Variants in MUC5AC observed in about 807,000 individuals in gnomAD.
The protein encoded by MUC5AC is mucin 5AC, oligomeric mucus/gel-forming, also known as mucin-5AC.
In MUC5AC, 158 loss-of-function variants were observed where a neutral mutation model predicts 169.7. The ratio of observed to expected loss-of-function variants is 0.93; its 90% CI spans 0.82 to 1.06. MUC5AC has a LOEUF of 1.06. MUC5AC is among the 50% of genes least tolerant of loss of function. The pLI is 0.00. For synonymous variants in MUC5AC, 1,975 were observed against 1,237.0 expected, an observed-to-expected ratio of 1.60 and a Z score of -12.52; for missense variants, 4,359 against 3,089.9, an observed-to-expected ratio of 1.41 and a Z score of -9.74.
intron 16 of MUC5AC, 28 bp from the exon 17 acceptor site, chr11:1,174,468 G>A: frequency 1.4e-6 from 2 of 1,405,288 alleles, no homozygotes; most frequent in South Asian, 2.5e-5. Flanking sequence ...TGGGGTCTCT[G>A]ATGCCCCGAT....
In MUC5AC at chr11:1,180,170, A is replaced by G. The variant is rs1370553774; in HGVS notation, c.3613+20A>G. ...TGGAAGGTGGGCTGGGGCCGGTCGG[A>G]GGGTGGCCTGGGCTCCGCCGCCTGT... On this transcript the variant is annotated intron_variant, in intron 27 of 48. Transcript: ENST00000621226. 4 of 398,322 alleles carry G rather than the reference A, an allele frequency of 1.0e-5. No homozygotes were observed. The highest frequency in any genetic ancestry group is 4.4e-5 in the Admixed American group (1 of 22,714). 24.7% of individuals were successfully genotyped at this position (398,322 alleles called of 1,614,324 possible). A position where few individuals can be genotyped will look rare whatever the true frequency, so the allele number is the denominator to read the frequency against.
Position 1,186,001 on chromosome 11 carries a change from G to T in MUC5AC, c.7856G>T (p.Ser2619Ile). Residue 2619 changes from serine (S) to isoleucine (I), a missense_variant, in exon 31 of 49, where the codon AGC becomes ATC. Physicochemically the swap from Ser to Ile is moderately radical, Grantham distance 142. Transcript: ENST00000621226. The part of the protein sequence containing the change: ...TTSTNSAPIS[S>I]TTSATTTSRI... ...AGCACAAACTCTGCCCCTATAAGCA[G>T]CACAACCTCTGCCACTACAACCAGC... 1.4e-6 allele frequency: 1 copy of T among 728,036 alleles called. No homozygotes were observed. The highest frequency in any genetic ancestry group is 2.5e-6 in the Non-Finnish European group (1 of 399,160). The allele number at this position is 728,036 out of a possible 1,614,324, so 45.1% of individuals were successfully genotyped here.
rs1860952787 is a variant in MUC5AC at position 1,186,603 on chromosome 11, A to C, written c.8458A>C (p.Thr2820Pro). ...CACAACTTCCACACCACAGACCAGC[A>C]CAACTTCGGCTCCTACAACCAGCAC... ...SSTTSTPQTS[T>P]TSAPTTSTTS... The change falls in exon 31 of 49, where the codon ACA (threonine) becomes CCA (proline). Residue 2820 changes from threonine to proline, a missense_variant. By Grantham distance (38) the Thr-to-Pro change is conservative. Transcript: ENST00000621226. 1.4e-6 allele frequency: 1 copy of C among 713,948 alleles called. No individual in the cohort carries two copies. Among genetic ancestry groups the C allele is most frequent in the African/African-American group, 1.7e-5 (1 of 57,282 alleles). The allele number at this position is 713,948 out of a possible 1,614,324, so 44.2% of individuals were successfully genotyped here.
rs548752349 is a variant in MUC5AC, at chr11:1,194,156, C to T, written c.14802C>T (p.Gly4934=). The T allele has an allele frequency of 7.8e-6, 6 of 765,080 alleles. No homozygotes were observed. The highest frequency in any genetic ancestry group is 6.7e-5 in the South Asian group (5 of 74,630). The allele number at this position is 765,080 out of a possible 1,614,324, so 47.4% of individuals were successfully genotyped here. ...WGDPHYITFD[G]TYYTFLDNCT... is the part of the protein sequence containing the mutation. ...ACCCCCACTACATCACCTTCGACGG[C>T]ACCTACTACACCTTCCTGGACAACT... The change falls in exon 34 of 49, where the codon GGC becomes GGT. Residue 4934 remains glycine, a synonymous_variant. Coordinates refer to ENST00000621226, the MANE Select transcript of MUC5AC (RefSeq NM_001304359.2).
rs573591245 is a variant in MUC5AC at position 1,160,526 on chromosome 11, C to T, written c.74-86C>T. The T allele has an allele frequency of 4.8e-4, 577 of 1,198,370 alleles. 3 individuals carry two copies. In the African/African-American group the frequency reaches 8.3e-3, roughly 17 times the overall value. 74.2% of individuals were successfully genotyped at this position (1,198,370 alleles called of 1,614,324 possible). A position where few individuals can be genotyped will look rare whatever the true frequency, so the allele number is the denominator to read the frequency against. On this transcript the variant is annotated intron_variant, in intron 1 of 48. Transcript: ENST00000621226. Reference sequence around the variant, plus strand: ...CCACGCACTGTGGCCTCCCGTCCCTCTGGTGTCCATGCTGCATCTGTGGCC... The same window carrying T: ...CCACGCACTGTGGCCTCCCGTCCCTTTGGTGTCCATGCTGCATCTGTGGCC...
rs149860127 is a variant in MUC5AC, at chr11:1,192,419, C to T, written c.14274C>T (p.Ala4758=). ...CCCTGTCTACTTCCATGGTATCCGC[C>T]TCCGTGGCATCCACCTCTGTGGCAT... ...YPSLSTSMVS[A]SVASTSVASS... The change falls in exon 31 of 49, where the codon GCC becomes GCT. Residue 4758 remains alanine (A), a synonymous_variant. Coordinates refer to ENST00000621226, the MANE Select transcript of MUC5AC (RefSeq NM_001304359.2). 1 of 765,168 alleles carries T rather than the reference C, an allele frequency of 1.3e-6. No individual in the cohort carries two copies. The highest frequency in any genetic ancestry group is 1.7e-5 in the African/African-American group (1 of 59,270). The allele number at this position is 765,168 out of a possible 1,614,324, so 47.4% of individuals were successfully genotyped here.
Position 1,192,460 on chromosome 11 carries a change from C to A in MUC5AC, c.14315C>A (p.Ser4772Tyr), listed in dbSNP as rs764309874. Reference protein sequence around the residue: ...STSVASSSVASSSVAYSTQTC... With the variant: ...STSVASSSVAYSSVAYSTQTC... ...TCTGTGGCATCCAGCTCTGTGGCAT[C>A]CAGCTCTGTGGCTTACTCCACCCAA... The change falls in exon 31 of 49, where the codon TCC becomes TAC. Residue 4772 changes from serine (S) to tyrosine (Y), a missense_variant. Ser to Tyr is a moderately radical substitution (Grantham distance 144, BLOSUM62 -2). Coordinates refer to ENST00000621226, the MANE Select transcript of MUC5AC (RefSeq NM_001304359.2). 3.9e-6 allele frequency: 3 copies of A among 765,112 alleles called. No individual in the cohort carries two copies. The Admixed American group carries it at 5.1e-5, about 13-fold the overall frequency. 47.4% of individuals were successfully genotyped at this position (765,112 alleles called of 1,614,324 possible).
rs772550584 is a variant in MUC5AC at position 1,195,178 on chromosome 11, T to C, written c.15357T>C (p.Ser5119=). ...CGGTCGGGCCCACCACAGTTGGGTC[T>C]ACCACGGTCGGGCCCACCACAGTTG... The part of the protein sequence containing the change: ...PTTVGPTTVG[S]TTVGPTTVGS... Residue 5119 remains serine, a synonymous_variant, in exon 36 of 49, where the codon TCT becomes TCC. Transcript: ENST00000621226. 319 of 762,898 alleles carry C rather than the reference T, an allele frequency of 4.2e-4. 2 individuals carry two copies. Among genetic ancestry groups the C allele is most frequent in the Middle Eastern group, 4.5e-4 (2 of 4,456 alleles). The allele number at this position is 762,898 out of a possible 1,614,324, so 47.3% of individuals were successfully genotyped here.
chr11:1,198,298 T>C lies in MUC5AC; in HGVS notation c.16166T>C (p.Leu5389Pro), dbSNP rs1248375438. 2 of 753,638 alleles carry C rather than the reference T, an allele frequency of 2.7e-6. No individual in the cohort carries two copies. The highest frequency in any genetic ancestry group is 4.8e-6 in the Non-Finnish European group (2 of 412,830). 46.7% of individuals were successfully genotyped at this position (753,638 alleles called of 1,614,324 possible). The change falls in exon 43 of 49, where the codon CTG (leucine) becomes CCG (proline). Residue 5389 changes from leucine to proline, a missense_variant. Transcript: ENST00000621226. ...ACAGTGTGCAGCATCAACGGGACCC[T>C]GTACCAGGTAAGAGCCACGGAGCTC... is the stretch of plus-strand genomic sequence containing the variant. ...SWTVCSINGT[L>P]YQPGAVVSSS...
At position 1,185,312 on chromosome 11, in the gene MUC5AC, C is replaced by A. The variant is rs1483224459; in HGVS notation, c.7167C>A (p.Ile2389=). ...STTSATTTSR[I]SGPETTPSPV... is the part of the protein sequence containing the mutation. ...CCTCTGCCACTACCACCAGCAGAAT[C>A]TCTGGTCCTGAAACTACTCCCAGCC... The change falls in exon 31 of 49, where the codon ATC becomes ATA. Residue 2389 remains isoleucine (I), a synonymous_variant. Transcript: ENST00000621226. 7.7e-4 allele frequency: 519 copies of A among 676,278 alleles called. 1 individual carries two copies. The highest frequency in any genetic ancestry group is 1.2e-3 in the Non-Finnish European group (434 of 371,544). The allele number at this position is 676,278 out of a possible 1,614,324, so 41.9% of individuals were successfully genotyped here. A position where few individuals can be genotyped will look rare whatever the true frequency, so the allele number is the denominator to read the frequency against.
chr11:1,165,650 C>T lies in MUC5AC; in HGVS notation c.1276C>T (p.Gln426Ter). The change falls in exon 11 of 49, where the codon CAG (glutamine) becomes TAG (stop). Residue 426 changes from glutamine to a stop codon, truncating the protein, a stop_gained. Transcript: ENST00000621226. LOFTEE classifies it high-confidence loss of function. ...CTGCTCCGGAGGCCGGTGGAGCTGCCAGGAGGTTCCATGCCCGGGTACCTG... is the reference window on the plus strand; with the variant it reads ...CTGCTCCGGAGGCCGGTGGAGCTGCTAGGAGGTTCCATGCCCGGGTACCTG... The part of the protein sequence containing the change: ...CTCSGGRWSC[Q>*]EVPCPGTCSV... 6.2e-7 allele frequency: 1 copy of T among 1,612,392 alleles called. No homozygotes were observed. Among genetic ancestry groups the T allele is most frequent in the Non-Finnish European group, 8.5e-7 (1 of 1,179,758 alleles).
Position 1,188,320 on chromosome 11 carries a change from C to G in MUC5AC, c.10175C>G (p.Ser3392Cys). ...TCTGCTCCCACAACCAGCACAACTT[C>G]TGCCCCTACAACCAGCACAACCTCC... The part of the protein sequence containing the change: ...TTSAPTTSTT[S>C]APTTSTTSTP... Residue 3392 changes from serine (S) to cysteine (C), a missense_variant, in exon 31 of 49, where the codon TCT (serine) becomes TGT (cysteine). Physicochemically the swap from Ser to Cys is moderately radical, Grantham distance 112 (BLOSUM62 -1). Coordinates refer to ENST00000621226, the MANE Select transcript of MUC5AC (RefSeq NM_001304359.2). 2 of 677,180 alleles carry G rather than the reference C, an allele frequency of 3.0e-6. No individual in the cohort carries two copies. Among genetic ancestry groups the G allele is most frequent in the Non-Finnish European group, 5.4e-6 (2 of 367,768 alleles). 41.9% of individuals were successfully genotyped at this position (677,180 alleles called of 1,614,324 possible).
At position 1,186,827 on chromosome 11, in the gene MUC5AC, T is replaced by G; in HGVS notation, c.8682T>G (p.Ser2894=). 1.4e-6 allele frequency: 1 copy of G among 712,334 alleles called. No homozygotes were observed. 44.1% of individuals were successfully genotyped at this position (712,334 alleles called of 1,614,324 possible). A position where few individuals can be genotyped will look rare whatever the true frequency, so the allele number is the denominator to read the frequency against. ...CTGTTCCCACCACCAGTACAACCTC[T>G]GCTCCTACAACCAGAACAACCTCTG... ...PSPVPTTSTT[S]APTTRTTSAP... The change falls in exon 31 of 49, where the codon TCT becomes TCG. Residue 2894 remains serine (S), a synonymous_variant. Transcript: ENST00000621226.
intron 32 of MUC5AC, 98 bp downstream of exon 32, chr11:1,193,080 G>T (rs1284788644): frequency 3.3e-6 from 2 of 601,212 alleles, no homozygotes; most frequent in Non-Finnish European, 6.0e-6. Flanking sequence ...TCTTGAGAAG[G>T]TCACTGGCGC....
intron 15 of MUC5AC, among the ~76,000 whole-genome samples, chr11:1,171,260 AC>A (rs2133734897): frequency 1.0e-5 from 1 of 96,898 alleles, no homozygotes; most frequent in African/African-American, 3.9e-5. Context: ...TCATCCACTC[AC>A]CCACTCACTC....
At position 1,167,946 on chromosome 11, in the gene MUC5AC, T is replaced by G; in HGVS notation, c.1456T>G (p.Cys486Gly). The G allele has an allele frequency of 6.4e-7, 1 of 1,550,880 alleles. No homozygotes were observed. The highest frequency in any genetic ancestry group is 8.7e-7 in the Non-Finnish European group (1 of 1,147,380). Residue 486 changes from cysteine to glycine, a missense_variant, in exon 12 of 49, where the codon TGC (cysteine) becomes GGC (glycine). By Grantham distance (159) the Cys-to-Gly change is radical. Coordinates refer to ENST00000621226, the MANE Select transcript of MUC5AC (RefSeq NM_001304359.2). ...GTGCGGGCTGACGGACAGCGAGACCTGCCTGAAGAGCGTGACACTGAGCCT... is the reference window on the plus strand; with the variant it reads ...GTGCGGGCTGACGGACAGCGAGACCGGCCTGAAGAGCGTGACACTGAGCCT... ...RRCGLTDSET[C>G]LKSVTLSLDG...
At chr11:1,181,083 G>A (rs951121504) in intron 28 of MUC5AC, 56 bp from the exon 29 acceptor site, 34 of 398,548 alleles carry the variant, frequency 8.5e-5, no homozygotes, top group Non-Finnish European at 9.7e-5. Flanking sequence ...TGGGATGCCC[G>A]TGGAAGGCAC....
In MUC5AC at chr11:1,185,034, C is replaced by G. The variant is rs1342770529; in HGVS notation, c.6889C>G (p.Pro2297Ala). The G allele has an allele frequency of 2.0e-6, 1 of 509,934 alleles. No individual in the cohort carries two copies. Among genetic ancestry groups the G allele is most frequent in the Admixed American group, 2.6e-5 (1 of 38,970 alleles). 31.6% of individuals were successfully genotyped at this position (509,934 alleles called of 1,614,324 possible). A position where few individuals can be genotyped will look rare whatever the true frequency, so the allele number is the denominator to read the frequency against. The stretch of plus-strand genomic sequence containing the variant: ...TACAACCAGAACAACCTCTGCCTCT[C>G]CAGCCAGCACAACCTCTGGTCCTGG... ...APTTRTTSAS[P>A]ASTTSGPGNT... is the part of the protein sequence containing the mutation. The change falls in exon 31 of 49, where the codon CCA (proline) becomes GCA (alanine). Residue 2297 changes from proline to alanine, a missense_variant. Pro to Ala is a conservative substitution (Grantham distance 27, BLOSUM62 -1). Coordinates refer to ENST00000621226, the MANE Select transcript of MUC5AC (RefSeq NM_001304359.2).
rs1861072777 is a variant in MUC5AC, at chr11:1,190,853, CT to C, written c.12709del (p.Ser4237LeufsTer53). 4 of 681,450 alleles carry C rather than the reference CT, an allele frequency of 5.9e-6. No homozygotes were observed. Among genetic ancestry groups the C allele is most frequent in the Admixed American group, 2.1e-5 (1 of 48,262 alleles). 42.2% of individuals were successfully genotyped at this position (681,450 alleles called of 1,614,324 possible). On this transcript the variant is annotated frameshift_variant, in exon 31 of 49. Transcript: ENST00000621226. LOFTEE classifies it high-confidence loss of function. The stretch of plus-strand genomic sequence containing the variant: ...TTCCCACCACCAGCACAACCTCTGC[CT>C]CTACAACCAGCACAACTTCTGCTCC... ...PVPTTSTTSA[S>X]TTSTTSAPTT... is the part of the protein sequence containing the mutation.
Sources: gnomAD v4.1 joint callset for allele counts (sites outside exome capture counted in the v4.1 genomes callset) on GRCh38, gnomAD v4.1.1 for gene constraint, MANE v1.5 for transcripts, NCBI Gene and HGNC (gene_info 2026-07-23, HGNC 2026-07-21) for gene names.